Variants in DHX32 observed in about 807,000 individuals in gnomAD.
The protein encoded by DHX32 is putative pre-mRNA-splicing factor ATP-dependent RNA helicase DHX32.
A neutral mutation model predicts 70.0 loss-of-function variants in DHX32; 51 were observed. That is an observed-to-expected ratio of 0.73 (90% CI 0.58 to 0.92). DHX32 has a LOEUF of 0.92. Among genes scored for constraint, DHX32 ranks in the 40% least tolerant of loss-of-function variants. The pLI is 0.00. For missense variants in DHX32, 762 were observed against 891.8 expected (o/e 0.85, Z 1.85); for synonymous variants, 310 against 315.3 (o/e 0.98, Z 0.18).
intron 1 of DHX32, among the ~76,000 whole-genome samples, chr10:125,893,679 C>T (rs1379465831): frequency 6.6e-6 from 1 of 152,134 alleles, no homozygotes; most frequent in African/African-American, 2.4e-5. Context: ...TTGTTTTCCA[C>T]CTTTGACAGA....
chr10:125,870,592 T>A (rs777146761), intron 1 of DHX32, among the ~76,000 whole-genome samples: 5 of 152,114 alleles, frequency 3.3e-5, no homozygotes, highest in Non-Finnish European at 7.4e-5. Context: ...CTCAGCACTT[T>A]GGGAGGCCAA....
At chr10:125,837,433 CCTT>C (rs1854729971) in intron 10 of DHX32, among the ~76,000 whole-genome samples, 1 of 152,144 alleles carries the variant, frequency 6.6e-6, no homozygotes, top group South Asian at 2.1e-4. Flanking sequence ...AGTTATTTTT[CCTT>C]TTTTCTTTTT....
chr10:125,869,782 G>T (rs535336834), intron 1 of DHX32, among the ~76,000 whole-genome samples: 3 of 152,028 alleles, frequency 2.0e-5, no homozygotes, highest in Non-Finnish European at 4.4e-5. Context: ...TAAGCTACAC[G>T]TGTGGTTTGC....
chr10:125,840,468 C>T (rs889095114), intron 8 of DHX32, among the ~76,000 whole-genome samples: 3 of 152,232 alleles, frequency 2.0e-5, no homozygotes, highest in African/African-American at 4.8e-5. Flanking sequence ...TGCCAGGATA[C>T]GGAAGGTGCA....
chr10:125,837,151 C>G (rs1256996206), intron 10 of DHX32, among the ~76,000 whole-genome samples: 1 of 152,210 alleles, frequency 6.6e-6, no homozygotes, highest in African/African-American at 2.4e-5. Context: ...AGGCCCATCA[C>G]CATATAAGAG....
chr10:125,867,563 C>T (rs904487692), intron 1 of DHX32, among the ~76,000 whole-genome samples: 6 of 152,000 alleles, frequency 3.9e-5, no homozygotes, highest in South Asian at 2.1e-4. Flanking sequence ...GGTGAAACCC[C>T]GTCTCTACTT....
At chr10:125,861,983 C>G (rs1944192048) in intron 2 of DHX32, among the ~76,000 whole-genome samples, 1 of 151,600 alleles carries the variant, frequency 6.6e-6, no homozygotes, top group Non-Finnish European at 1.5e-5. Flanking sequence ...GTGAGCCAGT[C>G]ACTAAGCTGG....
At chr10:125,872,443 G>A (rs1439771106) in intron 1 of DHX32, among the ~76,000 whole-genome samples, 1 of 152,120 alleles carries the variant, frequency 6.6e-6, no homozygotes, top group East Asian at 1.9e-4. Context: ...TTGTGACTGA[G>A]TACTTAGCAA....
chr10:125,839,275 C>T (rs889480842), intron 8 of DHX32, 87 bp from the exon 9 acceptor site: 2 of 1,353,046 alleles, frequency 1.5e-6, no homozygotes, highest in East Asian at 2.4e-5. Context: ...ATCTTTAAGC[C>T]CTGTGCTCTC....
At chr10:125,853,199 G>T (rs756450826) in intron 4 of DHX32, 1 of 1,612,706 alleles carries the variant, frequency 6.2e-7, no homozygotes, top group East Asian at 2.2e-5. Context: ...AACTCTAAGT[G>T]ATTTCCAGGG....
intron 8 of DHX32, among the ~76,000 whole-genome samples, chr10:125,840,217 A>C (rs952611856): frequency 2.0e-5 from 3 of 152,126 alleles, no homozygotes; most frequent in Non-Finnish European, 4.4e-5. Context: ...CTGTCTGCAT[A>C]GCAGCTTCCA....
chr10:125,872,721 G>A (rs1213096500), intron 1 of DHX32, among the ~76,000 whole-genome samples: 1 of 152,126 alleles, frequency 6.6e-6, no homozygotes. Context: ...GAGCAGTGGG[G>A]CCTGCCCTAT....
rs1854688264 is a variant in DHX32, at chr10:125,836,464, G to T, written c.*223C>A. On this transcript the variant is annotated 3_prime_UTR_variant, in exon 11 of 11. Coordinates refer to ENST00000284690, the MANE Select transcript of DHX32 (RefSeq NM_018180.3). The stretch of plus-strand genomic sequence containing the variant: ...AATTTTGGTCAAATTATGAGTGGTT[G>T]ATTTAAAAACTTTTCCAAGAAGAAG... 7.1e-7 allele frequency: 1 copy of T among 1,401,712 alleles called. No homozygotes were observed. The highest frequency in any genetic ancestry group is 1.7e-5 in the South Asian group (1 of 58,370). The allele number at this position is 1,401,712 out of a possible 1,614,324, so 86.8% of individuals were successfully genotyped here.
chr10:125,880,439 T>C, intron 1 of DHX32, 104 bp downstream of exon 1: 1 of 1,220,918 alleles, frequency 8.2e-7, no homozygotes, highest in Non-Finnish European at 1.1e-6. Context: ...GTTTTGTTTT[T>C]TGTTTTAGAC....
intron 1 of DHX32, among the ~76,000 whole-genome samples, chr10:125,868,226 G>A (rs1436025370): frequency 6.6e-6 from 1 of 152,016 alleles, no homozygotes; most frequent in African/African-American, 2.4e-5. Context: ...ATTTGTACAA[G>A]AATTATTATA....
chr10:125,891,995 T>A (rs1445981914), intron 1 of DHX32, among the ~76,000 whole-genome samples: 4 of 152,176 alleles, frequency 2.6e-5, no homozygotes, highest in Admixed American at 2.6e-4. Flanking sequence ...TCTCAGACTT[T>A]TTCCTTTCGT....
In DHX32 at chr10:125,840,932, T is replaced by C. The variant is rs1320059713; in HGVS notation, c.1608A>G (p.Thr536=). The C allele has an allele frequency of 6.2e-7, 1 of 1,612,510 alleles. No homozygotes were observed. The highest frequency in any genetic ancestry group is 1.3e-5 in the African/African-American group (1 of 74,912). ...AGTGATCTCCTTCGGGATGTAAAAA[T>C]GTCTTCCAACAAGTCAAGGCAGCCT... ...AEEAALTCWK[T]FLHPEGDHFT... The change falls in exon 8 of 11, where the codon ACA becomes ACG. Residue 536 remains threonine (T), a synonymous_variant. Coordinates refer to ENST00000284690, the MANE Select transcript of DHX32 (RefSeq NM_018180.3).
intron 1 of DHX32, among the ~76,000 whole-genome samples, chr10:125,880,151 G>T (rs1944308486): frequency 6.6e-6 from 1 of 152,120 alleles, no homozygotes; most frequent in Non-Finnish European, 1.5e-5. Flanking sequence ...CACATATCTG[G>T]ATTCTCAGAC....
At chr10:125,868,896 A>T (rs1270806032) in intron 1 of DHX32, among the ~76,000 whole-genome samples, 4 of 152,172 alleles carry the variant, frequency 2.6e-5, no homozygotes, top group African/African-American at 9.6e-5. Flanking sequence ...CCACCGTGGC[A>T]GCCATCACCT....
Sources: allele counts gnomAD v4.1 joint callset (sites outside exome capture counted in the v4.1 genomes callset), GRCh38; gene constraint gnomAD v4.1.1; transcripts MANE v1.5; gene names NCBI Gene and HGNC (gene_info 2026-07-23, HGNC 2026-07-21).